The following KLHL29 variants were observed in gnomAD, a reference collection of about 807,000 sequenced individuals.
KLHL29 encodes kelch like family member 29.
In KLHL29, 21 loss-of-function variants were observed where a neutral mutation model predicts 80.4. The ratio of observed to expected loss-of-function variants is 0.26; its 90% confidence interval spans 0.19 to 0.38. KLHL29 has a LOEUF of 0.38. KLHL29 is among the 10% of genes least tolerant of loss of function. KLHL29 has a pLI of 1.00. For missense variants in KLHL29, 867 were observed against 1,223.9 expected (o/e 0.71, Z 4.35); for synonymous variants, 511 against 526.8 (o/e 0.97, Z 0.41).
At chr2:23,651,815 T>C (rs1670095413) in intron 5 of KLHL29, among the ~76,000 whole-genome samples, 2 of 152,202 alleles carry the variant, frequency 1.3e-5, no homozygotes, top group South Asian at 4.2e-4. Context: ...AGCCGCCTTC[T>C]CACTGTATCC....
At chr2:23,665,747 T>G (rs752613205) in intron 5 of KLHL29, among the ~76,000 whole-genome samples, 3 of 152,036 alleles carry the variant, frequency 2.0e-5, no homozygotes, top group Non-Finnish European at 4.4e-5. Context: ...GCACCATGCT[T>G]CTTTAAACAA....
At chr2:23,429,135 T>C (rs917103507) in intron 1 of KLHL29, among the ~76,000 whole-genome samples, 1 of 152,242 alleles carries the variant, frequency 6.6e-6, no homozygotes, top group Non-Finnish European at 1.5e-5. Flanking sequence ...TGCACTTGGG[T>C]ACATATGTTC....
intron 3 of KLHL29, among the ~76,000 whole-genome samples, chr2:23,638,218 G>A (rs1452852660): frequency 6.6e-6 from 1 of 152,020 alleles, no homozygotes; most frequent in African/African-American, 2.4e-5. Context: ...TTTGACACAG[G>A]GATGTTTACA....
intron 1 of KLHL29, among the ~76,000 whole-genome samples, chr2:23,410,698 A>G (rs12621454): frequency 0.65 from 98,581 of 151,810 alleles, 32,345 homozygotes; most frequent in South Asian, 0.81. Flanking sequence ...CGACACTCTG[A>G]CTTCCAAAGA....
chr2:23,655,609 ACCGATGAT>A (rs1268859770), intron 5 of KLHL29, among the ~76,000 whole-genome samples: 2 of 152,156 alleles, frequency 1.3e-5, no homozygotes, highest in Admixed American at 1.3e-4. Flanking sequence ...AGAAAGTGAT[ACCGATGAT>A]CCATGGGCCT....
chr2:23,479,387 A>T (rs1444391946), intron 2 of KLHL29, among the ~76,000 whole-genome samples: 1 of 151,930 alleles, frequency 6.6e-6, no homozygotes, highest in East Asian at 1.9e-4. Context: ...GCAGACCCCC[A>T]GCCTGCGCTG....
chr2:23,424,059 C>T (rs984831110), intron 1 of KLHL29, among the ~76,000 whole-genome samples: 1 of 152,216 alleles, frequency 6.6e-6, no homozygotes, highest in Non-Finnish European at 1.5e-5. Context: ...CCCTGAAGGA[C>T]AGTGGGGCTC....
intron 2 of KLHL29, among the ~76,000 whole-genome samples, chr2:23,549,349 G>T (rs1667063980): frequency 6.6e-6 from 1 of 152,190 alleles, no homozygotes; most frequent in African/African-American, 2.4e-5. Context: ...TGTTCAAACA[G>T]CCAGCTCTGC....
rs1268393415 is a variant in KLHL29, at chr2:23,708,435, C to G, written c.*1771C>G. On this transcript the variant is annotated 3_prime_UTR_variant, in exon 14 of 14. Transcript: ENST00000486442. Reference sequence around the variant, plus strand: ...AAGGAGGTTCTAGTTGTCAGCGAGACTCAACACAGATGACATTGAAATTCG... The same window carrying G: ...AAGGAGGTTCTAGTTGTCAGCGAGAGTCAACACAGATGACATTGAAATTCG... 2 of 152,170 alleles carry G rather than the reference C, an allele frequency of 1.3e-5. No homozygotes were observed. Among genetic ancestry groups the G allele is most frequent in the African/African-American group, 4.8e-5 (2 of 41,442 alleles). The allele number at this position is 152,170 out of a possible 1,614,324, so 9.4% of individuals were successfully genotyped here. A position where few individuals can be genotyped will look rare whatever the true frequency, so the allele number is the denominator to read the frequency against.
intron 1 of KLHL29, among the ~76,000 whole-genome samples, chr2:23,437,096 T>C (rs1345930079): frequency 1.3e-5 from 2 of 152,184 alleles, no homozygotes; most frequent in African/African-American, 2.4e-5. Context: ...ACCGGCTTGA[T>C]TGAAAGCCCG....
chr2:23,517,564 C>G (rs1189787857), intron 2 of KLHL29, among the ~76,000 whole-genome samples: 1 of 152,204 alleles, frequency 6.6e-6, no homozygotes, highest in Admixed American at 6.5e-5. Context: ...ATAAATAGAA[C>G]CTAACTAATA....
At chr2:23,452,579 A>T (rs1380312657) in intron 1 of KLHL29, among the ~76,000 whole-genome samples, 1 of 152,140 alleles carries the variant, frequency 6.6e-6, no homozygotes, top group Non-Finnish European at 1.5e-5. Flanking sequence ...AGGTTCACTC[A>T]TGCCATCAGC....
intron 2 of KLHL29, among the ~76,000 whole-genome samples, chr2:23,525,304 G>A (rs900398867): frequency 4.6e-5 from 7 of 152,246 alleles, no homozygotes; most frequent in Non-Finnish European, 8.8e-5. Context: ...GGGACTGGGA[G>A]GGCAGAGGAC....
chr2:23,639,843 C>G (rs78822935), intron 4 of KLHL29, among the ~76,000 whole-genome samples: 5,952 of 152,214 alleles, frequency 0.039, 169 homozygotes, highest in Non-Finnish European at 0.061. Flanking sequence ...GTCAGGAGAC[C>G]CCCTTCATCC....
At chr2:23,447,584 G>A (rs1663735625) in intron 1 of KLHL29, among the ~76,000 whole-genome samples, 1 of 152,152 alleles carries the variant, frequency 6.6e-6, no homozygotes, top group African/African-American at 2.4e-5. Flanking sequence ...GCTGATAATG[G>A]CCTTGGCTGA....
intron 3 of KLHL29, among the ~76,000 whole-genome samples, chr2:23,575,931 A>G (rs990315533): frequency 6.6e-6 from 1 of 152,202 alleles, no homozygotes; most frequent in Non-Finnish European, 1.5e-5. Flanking sequence ...TTTGTGGTCA[A>G]TTCCTCTAGC....
intron 3 of KLHL29, among the ~76,000 whole-genome samples, chr2:23,636,540 C>T (rs1042234616): frequency 4.6e-5 from 7 of 152,314 alleles, no homozygotes; most frequent in Admixed American, 6.5e-5. Context: ...CATCTGGGCC[C>T]GCCTCTGCAC....
At chr2:23,699,177 C>T (rs1322307983) in intron 11 of KLHL29, among the ~76,000 whole-genome samples, 2 of 152,242 alleles carry the variant, frequency 1.3e-5, no homozygotes, top group African/African-American at 4.8e-5. Context: ...GAGGCACGGG[C>T]TCTGGGAGGC....
At position 23,408,956 on chromosome 2, in the gene KLHL29, A is replaced by G. The variant is rs191186704; in HGVS notation, c.-154+23176A>G. Among the ~76,000 whole-genome samples the G allele has an allele frequency of 2.4e-4, 37 of 152,222 alleles. No individual in the cohort carries two copies. The East Asian group carries it at 6.6e-3, about 27-fold the overall frequency. The stretch of plus-strand genomic sequence containing the variant: ...GACAGCTCTGATGAGCACCTTTCAG[A>G]TAGGAGTTTGGGGTTCACAGCTCTG... On this transcript the variant is annotated intron_variant, in intron 1 of 13. Transcript: ENST00000486442.
Sources: gnomAD v4.1 joint callset for allele counts (sites outside exome capture counted in the v4.1 genomes callset) on GRCh38, gnomAD v4.1.1 for gene constraint, MANE v1.5 for transcripts, NCBI Gene and HGNC (gene_info 2026-07-23, HGNC 2026-07-21) for gene names.